The following CACNG2 variants were observed in gnomAD, a reference collection of about 807,000 sequenced individuals.
CACNG2 encodes calcium voltage-gated channel auxiliary subunit gamma 2.
CACNG2 carries 3 observed loss-of-function variants against 25.9 expected under a neutral mutation model. That is an observed-to-expected ratio of 0.12 (90% confidence interval 0.05 to 0.30). The LOEUF is 0.30. Among genes scored for constraint, CACNG2 ranks in the 10% least tolerant of loss-of-function variants. The pLI is 1.00. For synonymous variants in CACNG2, 167 were observed against 173.3 expected (o/e 0.96, Z 0.29); for missense variants, 341 against 432.5 (o/e 0.79, Z 1.88).
At chr22:36,594,441 T>C (rs1935641889) in intron 1 of CACNG2, among the ~76,000 whole-genome samples, 1 of 152,212 alleles carries the variant, frequency 6.6e-6, no homozygotes, top group Non-Finnish European at 1.5e-5. Context: ...GGGAAAAATA[T>C]ACTTTCTGTC....
intron 1 of CACNG2, among the ~76,000 whole-genome samples, chr22:36,627,279 CGTGT>C (rs58015913): frequency 0.033 from 4,348 of 131,164 alleles, 109 homozygotes; most frequent in African/African-American, 0.072. Context: ...AGAGTGGGGA[CGTGT>C]GTGTGTGTGT....
intron 1 of CACNG2, among the ~76,000 whole-genome samples, chr22:36,686,007 G>A (rs1937191887): frequency 6.6e-6 from 1 of 152,180 alleles, no homozygotes; most frequent in Non-Finnish European, 1.5e-5. Context: ...CACCATCCAT[G>A]TCTCAAGGGC....
rs200380173 is a variant in CACNG2, at chr22:36,691,007, T to TATAC, written c.211+11358_211+11359insGTAT. On this transcript the variant is annotated intron_variant, in intron 1 of 3. Coordinates refer to ENST00000300105, the MANE Select transcript of CACNG2 (RefSeq NM_006078.5). ...CATACCTTGTTCTCCCGCAATAGTA[T>TATAC]AAACCTCAAGTGGTCCCCTAAACAC... 1.6e-4 allele frequency among the ~76,000 whole-genome samples: 25 copies of TATAC among 152,088 alleles called. 1 individual carries two copies. Among genetic ancestry groups the TATAC allele is most frequent in the South Asian group, 8.3e-4 (4 of 4,798 alleles).
intron 2 of CACNG2, among the ~76,000 whole-genome samples, chr22:36,576,717 T>G (rs1281879020): frequency 6.6e-6 from 1 of 152,078 alleles, no homozygotes; most frequent in Non-Finnish European, 1.5e-5. Context: ...GGGTTCCAGA[T>G]GCAGCCCGCT....
At chr22:36,697,329 G>A (rs1403748940) in intron 1 of CACNG2, among the ~76,000 whole-genome samples, 1 of 152,206 alleles carries the variant, frequency 6.6e-6, no homozygotes, top group Admixed American at 6.5e-5. Context: ...TGAGTGCTCA[G>A]TGAGGGATGC....
rs143346491 is a variant in CACNG2 at position 36,580,952 on chromosome 22, C to T, written c.295+6513G>A. ...ATAGACACTCAAACACACAGACATG[C>T]GGGTACCGAAAGACACAGAACACAG... is the stretch of plus-strand genomic sequence containing the variant. On this transcript the variant is annotated intron_variant, in intron 2 of 3. Coordinates refer to ENST00000300105, the MANE Select transcript of CACNG2 (RefSeq NM_006078.5). 3.9e-3 allele frequency among the ~76,000 whole-genome samples: 587 copies of T among 152,240 alleles called. 2 individuals carry two copies. Among genetic ancestry groups the T allele is most frequent in the African/African-American group, 0.014 (566 of 41,530 alleles).
At chr22:36,685,649 A>ACC (rs1937185997) in intron 1 of CACNG2, among the ~76,000 whole-genome samples, 1 of 152,024 alleles carries the variant, frequency 6.6e-6, no homozygotes, top group East Asian at 1.9e-4. Context: ...TTTGAAACAG[A>ACC]TCTTTCCGGC....
intron 1 of CACNG2, among the ~76,000 whole-genome samples, chr22:36,618,944 G>GCAAA (rs71812082): frequency 6.6e-6 from 1 of 151,298 alleles, no homozygotes; most frequent in South Asian, 2.1e-4. Flanking sequence ...AAAACAAAAA[G>GCAAA]CAAACAAACA....
rs1935079176 is a variant in CACNG2 at position 36,564,149 on chromosome 22, T to C, written c.*202A>G. 4 of 487,098 alleles carry C rather than the reference T, an allele frequency of 8.2e-6. No homozygotes were observed. Among genetic ancestry groups the C allele is most frequent in the East Asian group, 3.2e-5 (1 of 31,100 alleles). The allele number at this position is 487,098 out of a possible 1,614,324, so 30.2% of individuals were successfully genotyped here. On this transcript the variant is annotated 3_prime_UTR_variant, in exon 4 of 4. Transcript: ENST00000300105. This position sits in a 1 kb window ranked among gnomAD's most constrained non-coding sequence, Gnocchi z 6.7. ...GCTTCTTTGTTCCTCTTATATTTTG[T>C]TCTTTTTTTTAAAATTTACTTGTTA...
intron 1 of CACNG2, among the ~76,000 whole-genome samples, chr22:36,662,578 C>A (rs1351667597): frequency 6.6e-6 from 1 of 152,222 alleles, no homozygotes; most frequent in East Asian, 1.9e-4. Flanking sequence ...CCTGACTCAG[C>A]TGTGTGTGTT....
At chr22:36,581,895 T>C (rs144551058) in intron 2 of CACNG2, among the ~76,000 whole-genome samples, 3 of 152,316 alleles carry the variant, frequency 2.0e-5, no homozygotes, top group African/African-American at 7.2e-5. Flanking sequence ...CATCTCTAAC[T>C]GAATATGTCT....
chr22:36,562,468 GGT>G lies in CACNG2; in HGVS notation c.*1881_*1882del, dbSNP rs143982749. On this transcript the variant is annotated 3_prime_UTR_variant, in exon 4 of 4. Coordinates refer to ENST00000300105, the MANE Select transcript of CACNG2 (RefSeq NM_006078.5). ...GGGTGCCCTTCCCATGCATGCGAGTGGTGTGTGTGTGTGTGTGGGTATGTGTG... is the reference window on the plus strand; with the variant it reads ...GGGTGCCCTTCCCATGCATGCGAGTGGTGTGTGTGTGTGTGGGTATGTGTG... 5.3e-5 allele frequency: 8 copies of G among 150,326 alleles called. No individual in the cohort carries two copies. Among genetic ancestry groups the G allele is most frequent in the South Asian group, 2.1e-4 (1 of 4,726 alleles). 9.3% of individuals were successfully genotyped at this position (150,326 alleles called of 1,614,324 possible). A position where few individuals can be genotyped will look rare whatever the true frequency, so the allele number is the denominator to read the frequency against.
chr22:36,605,984 A>C (rs2145935729), intron 1 of CACNG2, among the ~76,000 whole-genome samples: 2 of 152,332 alleles, frequency 1.3e-5, no homozygotes, highest in South Asian at 4.1e-4. Flanking sequence ...CATCTTAAGA[A>C]GCCCTGTGGT....
intron 1 of CACNG2, among the ~76,000 whole-genome samples, chr22:36,697,709 C>G (rs558417368): frequency 6.6e-6 from 1 of 152,274 alleles, no homozygotes; most frequent in East Asian, 1.9e-4. Context: ...GGTTAGAACC[C>G]AAGCCTGAGG....
chr22:36,699,249 A>AC (rs1937380496), intron 1 of CACNG2, among the ~76,000 whole-genome samples: 1 of 151,070 alleles, frequency 6.6e-6, no homozygotes. Flanking sequence ...ACACACACAC[A>AC]CACACACACA....
At chr22:36,655,340 C>T (rs944690582) in intron 1 of CACNG2, among the ~76,000 whole-genome samples, 1 of 152,112 alleles carries the variant, frequency 6.6e-6, no homozygotes, top group Non-Finnish European at 1.5e-5. Flanking sequence ...CAATTAAAGC[C>T]TCGATCAAGC....
Position 36,682,045 on chromosome 22 carries a change from G to C in CACNG2, c.211+20321C>G, listed in dbSNP as rs150356242. 2.0e-3 allele frequency among the ~76,000 whole-genome samples: 301 copies of C among 152,328 alleles called. 1 individual carries two copies. The East Asian group carries it at 0.021, about 11-fold the overall frequency. ...TCAGGAGACTCTGAGAATTGAACTAGGGAAGTGTAACAGCAGACCAAGAGG... is the reference window on the plus strand; with the variant it reads ...TCAGGAGACTCTGAGAATTGAACTACGGAAGTGTAACAGCAGACCAAGAGG... On this transcript the variant is annotated intron_variant, in intron 1 of 3. Transcript: ENST00000300105.
intron 1 of CACNG2, among the ~76,000 whole-genome samples, chr22:36,643,143 C>T (rs1340215457): frequency 6.8e-6 from 1 of 147,198 alleles, no homozygotes; most frequent in Non-Finnish European, 1.5e-5. Flanking sequence ...TCTCTCTCTC[C>T]TTCTTTCCTT....
chr22:36,679,193 C>CTTTCTTTCTTT lies in CACNG2; in HGVS notation c.211+23172_211+23173insAAAGAAAGAAA, dbSNP rs1569049850. ...TCCTTCCTTCCTTCCTTCCTTCCTT[C>CTTTCTTTCTTT]CTTCCTTTCTTTCTTTCTTTCTTTC... On this transcript the variant is annotated intron_variant, in intron 1 of 3. Coordinates refer to ENST00000300105, the MANE Select transcript of CACNG2 (RefSeq NM_006078.5). Among the ~76,000 whole-genome samples, 157 of 49,172 alleles carry CTTTCTTTCTTT rather than the reference C, an allele frequency of 3.2e-3. 3 individuals are homozygous for CTTTCTTTCTTT. The highest frequency in any genetic ancestry group is 0.012 in the African/African-American group (147 of 11,796). 32.3% of individuals were successfully genotyped at this position (49,172 alleles called of 152,430 possible).
Sources: allele counts gnomAD v4.1 joint callset (sites outside exome capture counted in the v4.1 genomes callset), GRCh38; gene constraint gnomAD v4.1.1; non-coding constraint Gnocchi (gnomAD v3.1); transcripts MANE v1.5; gene names NCBI Gene and HGNC (gene_info 2026-07-23, HGNC 2026-07-21).